DDX4: variants seen among roughly 807,000 people sequenced by gnomAD.
DDX4 encodes the protein DEAD-box helicase 4.
A neutral mutation model predicts 100.0 loss-of-function variants in DDX4; 25 were observed. That is an observed-to-expected ratio of 0.25 (90% CI 0.18 to 0.35). The LOEUF is 0.35. Among genes scored for constraint, DDX4 ranks in the 10% least tolerant of loss-of-function variants. The pLI, the probability that DDX4 is intolerant of heterozygous loss-of-function variation, is 1.00. For synonymous variants in DDX4, 259 were observed against 275.7 expected (o/e 0.94, Z 0.60); for missense variants, 635 against 882.4 (o/e 0.72, Z 3.55).
intron 2 of DDX4, among the ~76,000 whole-genome samples, chr5:55,742,721 A>C (rs1759045354): frequency 6.6e-6 from 1 of 152,192 alleles, no homozygotes; most frequent in Non-Finnish European, 1.5e-5. Context: ...TGATTCATTC[A>C]ACATATTTTT....
intron 6 of DDX4, chr5:55,766,893 C>T (rs1337613019): frequency 4.0e-6 from 6 of 1,515,082 alleles, no homozygotes; most frequent in Non-Finnish European, 3.5e-6. Flanking sequence ...TTTTACATTT[C>T]GAAAAATCAT....
At chr5:55,807,795 T>G (rs1391835730) in intron 18 of DDX4, among the ~76,000 whole-genome samples, 2 of 152,304 alleles carry the variant, frequency 1.3e-5, no homozygotes, top group South Asian at 4.1e-4. Context: ...CTGACAATTA[T>G]GTGTCTTGGA....
In DDX4 at chr5:55,779,769, T is replaced by C. The variant is rs79625099; in HGVS notation, c.395-195T>C. 3.5e-3 allele frequency among the ~76,000 whole-genome samples: 527 copies of C among 152,314 alleles called. 6 individuals are homozygous for C. The highest frequency in any genetic ancestry group is 0.012 in the African/African-American group (511 of 41,580). ...AAGCAAGCAGTGAGGTTTTAAAAAA[T>C]TGTAGCCATATCTATTTATATTAGT... is the stretch of plus-strand genomic sequence containing the variant. On this transcript the variant is annotated intron_variant, in intron 7 of 21. Coordinates refer to ENST00000505374, the MANE Select transcript of DDX4 (RefSeq NM_024415.3).
At position 55,781,066 on chromosome 5, in the gene DDX4, A is replaced by T. The variant is rs1741881458; in HGVS notation, c.497A>T (p.Asn166Ile). 4 of 1,602,244 alleles carry T rather than the reference A, an allele frequency of 2.5e-6. No individual in the cohort carries two copies. The highest frequency in any genetic ancestry group is 3.4e-6 in the Non-Finnish European group (4 of 1,176,928). ...CRGGFGLGSPNNDLDPDECMQ... is the reference protein window; with the variant it reads ...CRGGFGLGSPINDLDPDECMQ... The stretch of plus-strand genomic sequence containing the variant: ...CTAATTTTACTTTCTGCAAATCAAG[A>T]TAATGACTTAGACCCAGACGAATGT... The change falls in exon 9 of 22, where the codon AAT (asparagine) becomes ATT (isoleucine). Residue 166 changes from asparagine to isoleucine, a missense_variant and splice_region_variant. Coordinates refer to ENST00000505374, the MANE Select transcript of DDX4 (RefSeq NM_024415.3).
chr5:55,805,225 T>C (rs1249133032), intron 18 of DDX4, among the ~76,000 whole-genome samples: 1 of 152,200 alleles, frequency 6.6e-6, no homozygotes, highest in East Asian at 1.9e-4. Context: ...GATTTTGGGC[T>C]GAGACGATGG....
chr5:55,780,332 C>T (rs1741831519), intron 8 of DDX4, among the ~76,000 whole-genome samples: 1 of 152,076 alleles, frequency 6.6e-6, no homozygotes, highest in African/African-American at 2.4e-5. Context: ...TGTTTTAGAG[C>T]TTTGATAATA....
intron 17 of DDX4, 31 bp downstream of exon 17, chr5:55,792,838 T>C (rs1466325730): frequency 2.6e-6 from 3 of 1,157,590 alleles, no homozygotes; most frequent in Non-Finnish European, 3.3e-6. Flanking sequence ...ATAATTTAAT[T>C]ATATATATAT....
intron 19 of DDX4, 28 bp from the exon 20 acceptor site, chr5:55,814,873 C>A: frequency 6.3e-7 from 1 of 1,591,430 alleles, no homozygotes; most frequent in South Asian, 1.1e-5. Context: ...AAGAGTGGTT[C>A]TAATAACATG....
intron 4 of DDX4, among the ~76,000 whole-genome samples, chr5:55,762,854 G>A (rs571126265): frequency 2.3e-4 from 35 of 152,230 alleles, no homozygotes; most frequent in African/African-American, 7.7e-4. Context: ...AGGGCAGAGC[G>A]TAATAGCTGG....
chr5:55,816,387 AGT>A, intron 21 of DDX4, 74 bp from the exon 22 acceptor site: 2 of 1,519,784 alleles, frequency 1.3e-6, no homozygotes, highest in Non-Finnish European at 8.8e-7. Flanking sequence ...TCTCAGTCTG[AGT>A]GATGTAACTT....
intron 7 of DDX4, 89 bp downstream of exon 7, chr5:55,768,029 T>C: frequency 8.3e-7 from 1 of 1,208,036 alleles, no homozygotes; most frequent in Non-Finnish European, 1.2e-6. Flanking sequence ...TGAAAAACAC[T>C]GATCGTGAAA....
chr5:55,743,230 G>A (rs905834178), intron 2 of DDX4, among the ~76,000 whole-genome samples: 74 of 152,160 alleles, frequency 4.9e-4, no homozygotes, highest in Non-Finnish European at 1.3e-4. Context: ...TAGTGGCTAA[G>A]GGCATTCCTC....
intron 17 of DDX4, among the ~76,000 whole-genome samples, chr5:55,796,862 A>T (rs1742993958): frequency 1.6e-5 from 1 of 63,918 alleles, no homozygotes; most frequent in Non-Finnish European, 3.3e-5. Flanking sequence ...TTTTTTGGAG[A>T]CAAGGTCTCA....
chr5:55,785,592 A>G, intron 12 of DDX4, 98 bp downstream of exon 12: 2 of 1,302,054 alleles, frequency 1.5e-6, no homozygotes, highest in Non-Finnish European at 2.1e-6. Context: ...AAAAATTTGA[A>G]CAGTGAAAAC....
chr5:55,773,980 A>G (rs1217226782), intron 7 of DDX4, among the ~76,000 whole-genome samples: 1 of 151,904 alleles, frequency 6.6e-6, no homozygotes, highest in African/African-American at 2.4e-5. Context: ...GCAGCTTTTC[A>G]TATGCTTATT....
intron 7 of DDX4, among the ~76,000 whole-genome samples, 187 bp from the exon 8 acceptor site, chr5:55,779,777 A>G (rs1391079254): frequency 6.6e-6 from 1 of 152,206 alleles, no homozygotes; most frequent in African/African-American, 2.4e-5. Flanking sequence ...AATTGTAGCC[A>G]TATCTATTTA....
intron 17 of DDX4, among the ~76,000 whole-genome samples, chr5:55,795,566 TC>T (rs1742878888): frequency 6.6e-6 from 1 of 152,198 alleles, no homozygotes; most frequent in Non-Finnish European, 1.5e-5. Context: ...GCCTAGAAGT[TC>T]AGGCCCAGCC....
chr5:55,804,943 TC>T, intron 18 of DDX4, among the ~76,000 whole-genome samples: 1 of 151,768 alleles, frequency 6.6e-6, no homozygotes, highest in Non-Finnish European at 1.5e-5. Context: ...TATTGATTCT[TC>T]CTACCCATGA....
At chr5:55,782,488 C>T (rs1741977745) in intron 10 of DDX4, among the ~76,000 whole-genome samples, 1 of 151,770 alleles carries the variant, frequency 6.6e-6, no homozygotes, top group South Asian at 2.1e-4. Flanking sequence ...GTGCCAGCTA[C>T]TCAGGAGGCT....
Sources: gnomAD v4.1 joint callset for allele counts (sites outside exome capture counted in the v4.1 genomes callset) on GRCh38, gnomAD v4.1.1 for gene constraint, MANE v1.5 for transcripts, NCBI Gene and HGNC (gene_info 2026-07-23, HGNC 2026-07-21) for gene names.